Variants in ABTB2 observed in about 807,000 individuals in gnomAD.
The protein encoded by ABTB2 is ankyrin repeat and BTB/POZ domain-containing protein 2.
ABTB2 carries 56 observed loss-of-function variants against 104.1 expected under a neutral mutation model. The ratio of observed to expected loss-of-function variants is 0.54; its 90% CI spans 0.43 to 0.67. The LOEUF (loss-of-function observed/expected upper bound fraction) is 0.67, where lower values mean the gene tolerates loss of function less well. Among genes scored for constraint, ABTB2 ranks in the 30% least tolerant of loss-of-function variants. ABTB2 has a pLI of 0.00. For synonymous variants in ABTB2, 606 were observed against 608.2 expected (o/e 1.00, Z 0.05); for missense variants, 1,279 against 1,407.7 (o/e 0.91, Z 1.46).
intron 9 of ABTB2, 41 bp downstream of exon 9, chr11:34,164,645 G>C: frequency 1.4e-6 from 2 of 1,440,352 alleles, no homozygotes; most frequent in Non-Finnish European, 1.8e-6. Context: ...GCTTAGTTCA[G>C]TGCCCTCATG....
At position 34,173,230 on chromosome 11, in the gene ABTB2, G is replaced by A. The variant is rs763904448; in HGVS notation, c.1322C>T (p.Thr441Ile). The A allele has an allele frequency of 1.7e-5, 28 of 1,613,344 alleles. No individual in the cohort carries two copies. Among genetic ancestry groups the A allele is most frequent in the Non-Finnish European group, 2.3e-5 (27 of 1,179,824 alleles). ...CTGCCGGATGTCGCCGCTGTCCACG[G>A]TGAGGCTGCGGCGGTGCTCTGCGTA... ...ITYAEHRRSLTVDSGDIRQAA... is the reference protein window; with the variant it reads ...ITYAEHRRSLIVDSGDIRQAA... Residue 441 changes from threonine to isoleucine, a missense_variant, in exon 4 of 17, where the codon ACC becomes ATC. Physicochemically the swap from Thr to Ile is moderately conservative, Grantham distance 89. Coordinates refer to ENST00000435224, the MANE Select transcript of ABTB2 (RefSeq NM_145804.3).
At chr11:34,236,355 A>G (rs1853843411) in intron 1 of ABTB2, among the ~76,000 whole-genome samples, 1 of 152,140 alleles carries the variant, frequency 6.6e-6, no homozygotes, top group African/African-American at 2.4e-5. Context: ...CTTGTCTTCT[A>G]CCTCCAGAAG....
intron 12 of ABTB2, 68 bp downstream of exon 12, chr11:34,160,180 G>C (rs1852689181): frequency 7.0e-7 from 1 of 1,421,330 alleles, no homozygotes; most frequent in Non-Finnish European, 9.9e-7. Flanking sequence ...GACAAAGTGG[G>C]GAGGAAGCAG....
intron 1 of ABTB2, among the ~76,000 whole-genome samples, chr11:34,282,352 T>C (rs1430003262): frequency 6.6e-6 from 1 of 152,152 alleles, no homozygotes; most frequent in Non-Finnish European, 1.5e-5. Context: ...GTAGAAGAGC[T>C]GTATTTATTG....
At chr11:34,165,429 CG>C in intron 7 of ABTB2, 73 bp from the exon 8 acceptor site, 1 of 1,304,508 alleles carries the variant, frequency 7.7e-7, no homozygotes, top group Non-Finnish European at 1.1e-6. Context: ...AGGGTGCTTT[CG>C]GGGACAGGGC....
chr11:34,336,316 A>G (rs1855192776), intron 1 of ABTB2, among the ~76,000 whole-genome samples: 1 of 152,144 alleles, frequency 6.6e-6, no homozygotes, highest in Admixed American at 6.6e-5. Context: ...TATCATTCCA[A>G]GTTTATAGAT....
At chr11:34,266,635 C>T (rs1196159495) in intron 1 of ABTB2, among the ~76,000 whole-genome samples, 5 of 152,204 alleles carry the variant, frequency 3.3e-5, no homozygotes, top group Non-Finnish European at 5.9e-5. Flanking sequence ...CCCCTTCCTC[C>T]GAGATCCACA....
At chr11:34,303,472 A>T (rs935417779) in intron 1 of ABTB2, among the ~76,000 whole-genome samples, 1 of 152,190 alleles carries the variant, frequency 6.6e-6, no homozygotes, top group African/African-American at 2.4e-5. Flanking sequence ...GTTTCCACCC[A>T]CAGGAGGAAG....
At chr11:34,287,625 C>T (rs781583735) in intron 1 of ABTB2, among the ~76,000 whole-genome samples, 1 of 152,188 alleles carries the variant, frequency 6.6e-6, no homozygotes, top group Non-Finnish European at 1.5e-5. Flanking sequence ...ACCAAATAGA[C>T]CTACTTCTTC....
intron 1 of ABTB2, among the ~76,000 whole-genome samples, chr11:34,321,110 A>T (rs1182353443): frequency 6.6e-6 from 1 of 152,232 alleles, no homozygotes. Context: ...TGAACCCAGG[A>T]GGCGGAGGTT....
chr11:34,282,365 T>C (rs1314191518), intron 1 of ABTB2, among the ~76,000 whole-genome samples: 1 of 152,156 alleles, frequency 6.6e-6, no homozygotes, highest in Non-Finnish European at 1.5e-5. Flanking sequence ...ATTTATTGAT[T>C]TGGAAAGATA....
chr11:34,341,388 T>C (rs1259920053), intron 1 of ABTB2, among the ~76,000 whole-genome samples: 1 of 152,158 alleles, frequency 6.6e-6, no homozygotes, highest in Non-Finnish European at 1.5e-5. Flanking sequence ...AGAGGGCTTC[T>C]GAGAAGCTGG....
intron 1 of ABTB2, among the ~76,000 whole-genome samples, chr11:34,254,033 C>T (rs1241549056): frequency 6.6e-6 from 1 of 152,126 alleles, no homozygotes; most frequent in South Asian, 2.1e-4. Flanking sequence ...TAACAGTACC[C>T]ACAGCTTAAT....
At chr11:34,338,796 C>A (rs1279421971) in intron 1 of ABTB2, among the ~76,000 whole-genome samples, 3 of 152,178 alleles carry the variant, frequency 2.0e-5, no homozygotes, top group Admixed American at 2.0e-4. Flanking sequence ...ATGTTATTTT[C>A]AAAACTTATT....
At position 34,187,259 on chromosome 11, in the gene ABTB2, A is replaced by G. The variant is rs565666823; in HGVS notation, c.1244+10066T>C. Among the ~76,000 whole-genome samples the G allele has an allele frequency of 3.3e-4, 50 of 152,328 alleles. No homozygotes were observed. The East Asian group carries it at 8.7e-3, about 26-fold the overall frequency. On this transcript the variant is annotated intron_variant, in intron 3 of 16. Transcript: ENST00000435224. Reference sequence around the variant, plus strand: ...GTTTAACCTTCAGCAGCCGCAGTCCATTGCACATAGGCACTATGGCTAAAC... The same window carrying G: ...GTTTAACCTTCAGCAGCCGCAGTCCGTTGCACATAGGCACTATGGCTAAAC...
rs181202864 is a variant in ABTB2 at position 34,179,877 on chromosome 11, C to T, written c.1245-6570G>A. Among the ~76,000 whole-genome samples, 5 of 152,262 alleles carry T rather than the reference C, an allele frequency of 3.3e-5. No individual in the cohort carries two copies. The East Asian group carries it at 9.6e-4, about 29-fold the overall frequency. On this transcript the variant is annotated intron_variant, in intron 3 of 16. Coordinates refer to ENST00000435224, the MANE Select transcript of ABTB2 (RefSeq NM_145804.3). ...CAGCTATGTGGGTCTATGCAAGTTA[C>T]TTCACCTCTCCCGGTCTCAGTTGTT...
intron 1 of ABTB2, among the ~76,000 whole-genome samples, chr11:34,284,658 T>G (rs925244862): frequency 6.6e-6 from 1 of 152,182 alleles, no homozygotes; most frequent in Non-Finnish European, 1.5e-5. Context: ...AGGGGATGGG[T>G]AACTGTAACC....
chr11:34,217,991 G>T (rs563776091), intron 1 of ABTB2, among the ~76,000 whole-genome samples: 46 of 152,270 alleles, frequency 3.0e-4, no homozygotes, highest in African/African-American at 9.6e-4. Context: ...GGTGTGCAGT[G>T]GTATGTCCTA....
chr11:34,317,199 C>T (rs1854943167), intron 1 of ABTB2, among the ~76,000 whole-genome samples: 1 of 152,186 alleles, frequency 6.6e-6, no homozygotes, highest in Non-Finnish European at 1.5e-5. Context: ...TCACCTGTGC[C>T]ATCTGTTTAT....
Sources: allele counts gnomAD v4.1 joint callset (sites outside exome capture counted in the v4.1 genomes callset), GRCh38; gene constraint gnomAD v4.1.1; transcripts MANE v1.5; gene names NCBI Gene and HGNC (gene_info 2026-07-23, HGNC 2026-07-21).